The following GPX5 variants were observed in gnomAD, a reference collection of about 807,000 sequenced individuals.
GPX5 encodes the protein glutathione peroxidase 5.
A neutral mutation model predicts 23.8 loss-of-function variants in GPX5; 20 were observed. The ratio of observed to expected loss-of-function variants is 0.84; its 90% CI spans 0.59 to 1.22. The LOEUF is 1.22. Ranked by LOEUF, GPX5 falls within the 50% of genes most tolerant of loss-of-function variation. The pLI is 0.00. For synonymous variants in GPX5, 92 were observed against 99.5 expected (o/e 0.92, Z 0.45); for missense variants, 230 against 266.6 (o/e 0.86, Z 0.96).
chr6:28,528,761 G>A (rs1320083050), intron 1 of GPX5, among the ~76,000 whole-genome samples: 2 of 148,586 alleles, frequency 1.3e-5, no homozygotes, highest in Non-Finnish European at 3.0e-5. Flanking sequence ...TGTGTGGAGG[G>A]GGGAGTGTAC....
intron 2 of GPX5, chr6:28,530,238 C>T (rs1312964051): frequency 1.3e-5 from 2 of 152,182 alleles, no homozygotes; most frequent in African/African-American, 4.8e-5. Context: ...CCAACCTCAA[C>T]CCCTTTTTAG....
Position 28,534,302 on chromosome 6 carries a change from G to T in GPX5, c.*135G>T. On this transcript the variant is annotated 3_prime_UTR_variant, in exon 5 of 5. Transcript: ENST00000412168. ...ATGGGCTCCACCTGAGTAAATCACCGCCACATACTGCCAGAATTCCCACTC... is the reference window on the plus strand; with the variant it reads ...ATGGGCTCCACCTGAGTAAATCACCTCCACATACTGCCAGAATTCCCACTC... The T allele has an allele frequency of 1.9e-6, 1 of 520,852 alleles. No individual in the cohort carries two copies. The highest frequency in any genetic ancestry group is 3.3e-6 in the Non-Finnish European group (1 of 302,348). The allele number at this position is 520,852 out of a possible 1,614,324, so 32.3% of individuals were successfully genotyped here.
intron 1 of GPX5, among the ~76,000 whole-genome samples, chr6:28,529,201 T>G (rs1300380858): frequency 1.3e-5 from 2 of 152,110 alleles, no homozygotes; most frequent in African/African-American, 4.8e-5. Flanking sequence ...TTCAATTGTT[T>G]TGATTTTTAG....
intron 4 of GPX5, 88 bp downstream of exon 4, chr6:28,532,508 T>TG: frequency 1.2e-6 from 1 of 841,344 alleles, no homozygotes; most frequent in South Asian, 1.6e-5. Context: ...CAAGGGCTCA[T>TG]GCCCAGAGGT....
intron 1 of GPX5, 112 bp from the exon 2 acceptor site, chr6:28,529,339 T>C: frequency 1.3e-6 from 1 of 781,692 alleles, no homozygotes; most frequent in Non-Finnish European, 1.9e-6. Flanking sequence ...ACAACTCTTA[T>C]TTGTTTTCTA....
intron 2 of GPX5, among the ~76,000 whole-genome samples, 168 bp downstream of exon 2, chr6:28,529,772 C>T (rs141327033): frequency 6.6e-6 from 1 of 152,132 alleles, no homozygotes; most frequent in Admixed American, 6.5e-5. Context: ...GGTGGACAGG[C>T]CAAATTTGGT....
Position 28,534,194 on chromosome 6 carries a change from C to A in GPX5, c.*27C>A, listed in dbSNP as rs1300392413. On this transcript the variant is annotated 3_prime_UTR_variant, in exon 5 of 5. Transcript: ENST00000412168. ...AAGGTGGAGTTAAGGGCAGGAGCAACCCTACTTCTCACCTAATGACTTGCT... is the reference window on the plus strand; with the variant it reads ...AAGGTGGAGTTAAGGGCAGGAGCAAACCTACTTCTCACCTAATGACTTGCT... The A allele has an allele frequency of 1.3e-6, 2 of 1,493,930 alleles. No individual in the cohort carries two copies. Among genetic ancestry groups the A allele is most frequent in the African/African-American group, 2.8e-5 (2 of 71,164 alleles). 92.5% of individuals were successfully genotyped at this position (1,493,930 alleles called of 1,614,324 possible).
At chr6:28,532,565 T>G (rs767062604) in intron 4 of GPX5, 145 bp downstream of exon 4, 28 of 602,248 alleles carry the variant, frequency 4.6e-5, no homozygotes, top group Non-Finnish European at 7.0e-5. Flanking sequence ...CATTCCACAT[T>G]GCACATGCTG....
In GPX5 at chr6:28,531,744, A is replaced by C. The variant is rs200635708; in HGVS notation, c.242-34A>C. On this transcript the variant is annotated intron_variant, in intron 2 of 4. Coordinates refer to ENST00000412168, the MANE Select transcript of GPX5 (RefSeq NM_001509.3). ...CATCCTTGCACAAGGCAGAACCTCT[A>C]CCTAGACCAAAATTGTTCCTCCTCT... 4 of 1,424,050 alleles carry C rather than the reference A, an allele frequency of 2.8e-6. No individual in the cohort carries two copies. The East Asian group carries it at 9.1e-5, about 32-fold the overall frequency. 88.2% of individuals were successfully genotyped at this position (1,424,050 alleles called of 1,614,324 possible).
At position 28,534,939 on chromosome 6, in the gene GPX5, T is replaced by A. The variant is rs946978720; in HGVS notation, c.*772T>A. 6 of 152,358 alleles carry A rather than the reference T, an allele frequency of 3.9e-5. No individual in the cohort carries two copies. The highest frequency in any genetic ancestry group is 1.4e-4 in the African/African-American group (6 of 41,574). The allele number at this position is 152,358 out of a possible 1,614,324, so 9.4% of individuals were successfully genotyped here. A position where few individuals can be genotyped will look rare whatever the true frequency, so the allele number is the denominator to read the frequency against. On this transcript the variant is annotated 3_prime_UTR_variant, in exon 5 of 5. Coordinates refer to ENST00000412168, the MANE Select transcript of GPX5 (RefSeq NM_001509.3). ...CTGCCACTGTCTCCAATAAAATGTT[T>A]TCTGCAGCATCGACAATCTCTATGG...
intron 2 of GPX5, chr6:28,529,946 C>A: frequency 5.3e-6 from 1 of 190,146 alleles, no homozygotes; most frequent in Non-Finnish European, 1.1e-5. Flanking sequence ...TCCTATCTGG[C>A]CCTTTACAGA....
At chr6:28,531,194 C>T (rs1763306026) in intron 2 of GPX5, among the ~76,000 whole-genome samples, 1 of 132,712 alleles carries the variant, frequency 7.5e-6, no homozygotes, top group Non-Finnish European at 1.7e-5. Context: ...CATGGCGAAA[C>T]CCCGTCTCTA....
chr6:28,529,683 T>A, intron 2 of GPX5, 79 bp downstream of exon 2: 8 of 998,440 alleles, frequency 8.0e-6, no homozygotes, highest in Non-Finnish European at 9.9e-6. Flanking sequence ...TGGAATTATA[T>A]TTTAATTATA....
rs1276266617 is a variant in GPX5, at chr6:28,528,855, A to G, written c.88-596A>G. On this transcript the variant is annotated intron_variant, in intron 1 of 4. Coordinates refer to ENST00000412168, the MANE Select transcript of GPX5 (RefSeq NM_001509.3). ...TATATATATATATATATATATATAT[A>G]TATATATATATATATATATATATAT... Among the ~76,000 whole-genome samples, 140 of 65,778 alleles carry G rather than the reference A, an allele frequency of 2.1e-3. 12 individuals carry two copies. Among genetic ancestry groups the G allele is most frequent in the African/African-American group, 7.8e-3 (103 of 13,270 alleles). The allele number at this position is 65,778 out of a possible 152,430, so 43.2% of individuals were successfully genotyped here.
At chr6:28,526,597 G>A (rs1763213197) in intron 1 of GPX5, among the ~76,000 whole-genome samples, 1 of 152,108 alleles carries the variant, frequency 6.6e-6, no homozygotes, top group African/African-American at 2.4e-5. Flanking sequence ...AAAAATCAGA[G>A]CCCTAAAACA....
At chr6:28,529,366 T>C in intron 1 of GPX5, 85 bp from the exon 2 acceptor site, 1 of 1,114,194 alleles carries the variant, frequency 9.0e-7, no homozygotes, top group South Asian at 1.9e-5. Context: ...GGTTAGAACA[T>C]AACTATTCTT....
intron 1 of GPX5, chr6:28,529,246 C>T: frequency 2.3e-6 from 1 of 428,642 alleles, no homozygotes; most frequent in South Asian, 7.0e-5. Context: ...CAATGCTTGT[C>T]TTTCTCTGCC....
At chr6:28,531,935 A>G in intron 3 of GPX5, 40 bp downstream of exon 3, 1 of 1,400,124 alleles carries the variant, frequency 7.1e-7, no homozygotes, top group Non-Finnish European at 1.0e-6. Context: ...GCGCCTGTGT[A>G]CCTTTCCTCA....
chr6:28,529,028 A>G (rs1227284310), intron 1 of GPX5, among the ~76,000 whole-genome samples: 1 of 151,638 alleles, frequency 6.6e-6, no homozygotes, highest in Non-Finnish European at 1.5e-5. Flanking sequence ...CAATTAAGTT[A>G]TTATTGACTA....
Sources: gnomAD v4.1 joint callset for allele counts (sites outside exome capture counted in the v4.1 genomes callset) on GRCh38, gnomAD v4.1.1 for gene constraint, MANE v1.5 for transcripts, NCBI Gene and HGNC (gene_info 2026-07-23, HGNC 2026-07-21) for gene names.